The following POU6F2 variants were observed in gnomAD, a reference collection of about 807,000 sequenced individuals.
POU6F2 encodes POU class 6 homeobox 2, also known as POU domain, class 6, transcription factor 2.
POU6F2 carries 31 observed loss-of-function variants against 71.3 expected under a neutral mutation model. That is an observed-to-expected ratio of 0.43 (90% CI 0.33 to 0.59). POU6F2 has a LOEUF of 0.59. Among genes scored for constraint, POU6F2 ranks in the 20% least tolerant of loss-of-function variants. The pLI is 0.04. For missense variants in POU6F2, 783 were observed against 856.8 expected (o/e 0.91, Z 1.07); for synonymous variants, 347 against 355.7 (o/e 0.98, Z 0.27).
chr7:39,327,478 T>C (rs1199124048), intron 4 of POU6F2, among the ~76,000 whole-genome samples: 1 of 151,926 alleles, frequency 6.6e-6, no homozygotes, highest in East Asian at 1.9e-4. Context: ...TAAAGAAGAA[T>C]ATCAATAGGC....
chr7:39,349,885 C>T (rs968653693), intron 5 of POU6F2, among the ~76,000 whole-genome samples: 1 of 152,180 alleles, frequency 6.6e-6, no homozygotes, highest in Non-Finnish European at 1.5e-5. Context: ...TTGAGGCATG[C>T]AGGACAGGTT....
In POU6F2 at chr7:39,267,662, G is replaced by T. The variant is rs1012597291; in HGVS notation, c.598+60042G>T. ...TTTATTTTTTTTTTTTAGAGGCAAG[G>T]TCTTGCTATGTTTCCCAGTCTGGCC... On this transcript the variant is annotated intron_variant, in intron 4 of 9. Transcript: ENST00000518318. Among the ~76,000 whole-genome samples the T allele has an allele frequency of 1.4e-4, 21 of 151,710 alleles. 6 individuals carry two copies. The highest frequency in any genetic ancestry group is 2.6e-4 in the Admixed American group (4 of 15,224).
intron 4 of POU6F2, among the ~76,000 whole-genome samples, chr7:39,308,200 G>A (rs2128766284): frequency 1.3e-5 from 2 of 152,278 alleles, no homozygotes; most frequent in South Asian, 4.1e-4. Flanking sequence ...TCTCAGTCTT[G>A]ACAACCATTG....
intron 5 of POU6F2, among the ~76,000 whole-genome samples, chr7:39,345,722 G>T (rs1786020602): frequency 6.6e-6 from 1 of 152,180 alleles, no homozygotes; most frequent in South Asian, 2.1e-4. Context: ...GAATCCACAT[G>T]GGGTAGGCAA....
At chr7:38,988,919 A>G (rs1011585073) in intron 1 of POU6F2, among the ~76,000 whole-genome samples, 1 of 151,962 alleles carries the variant, frequency 6.6e-6, no homozygotes, top group African/African-American at 2.4e-5. Flanking sequence ...GCAACATCTC[A>G]TTTACTCCCT....
chr7:39,095,469 T>C (rs1791434887), intron 2 of POU6F2, among the ~76,000 whole-genome samples: 1 of 152,206 alleles, frequency 6.6e-6, no homozygotes, highest in South Asian at 2.1e-4. Context: ...ACATTGGAGA[T>C]TGCTGATGGC....
intron 4 of POU6F2, among the ~76,000 whole-genome samples, chr7:39,282,472 TG>T (rs1320607560): frequency 6.6e-6 from 1 of 152,110 alleles, no homozygotes; most frequent in Non-Finnish European, 1.5e-5. Flanking sequence ...TGATGAGAGA[TG>T]GGGGTCTAGT....
intron 7 of POU6F2, among the ~76,000 whole-genome samples, chr7:39,441,526 A>G (rs1349002251): frequency 6.6e-6 from 1 of 152,224 alleles, no homozygotes; most frequent in African/African-American, 2.4e-5. Flanking sequence ...ATCAGCATTT[A>G]AGGAATGGAA....
At chr7:39,265,995 A>G (rs12701706) in intron 4 of POU6F2, among the ~76,000 whole-genome samples, 18,130 of 152,194 alleles carry the variant, frequency 0.12, 1,196 homozygotes, top group Middle Eastern at 0.18. Flanking sequence ...AATTGCTAAG[A>G]TATCAATAAT....
chr7:39,004,302 A>T (rs1314673561), intron 1 of POU6F2, among the ~76,000 whole-genome samples: 4 of 152,240 alleles, frequency 2.6e-5, no homozygotes, highest in African/African-American at 4.8e-5. Context: ...CATAGCTTGG[A>T]CATATTATTG....
chr7:39,116,012 C>T (rs1791920519), intron 2 of POU6F2, among the ~76,000 whole-genome samples: 1 of 152,092 alleles, frequency 6.6e-6, no homozygotes, highest in Non-Finnish European at 1.5e-5. Context: ...AGGATTTGGG[C>T]AAAACCTACT....
intron 1 of POU6F2, among the ~76,000 whole-genome samples, chr7:39,081,933 C>T (rs1002153594): frequency 1.3e-5 from 2 of 152,162 alleles, no homozygotes; most frequent in African/African-American, 4.8e-5. Flanking sequence ...GCAGCTTTAC[C>T]ACTTAGCTGC....
chr7:38,985,824 A>C (rs539435340), intron 1 of POU6F2, among the ~76,000 whole-genome samples: 43 of 152,128 alleles, frequency 2.8e-4, no homozygotes, highest in Admixed American at 1.8e-3. Flanking sequence ...GTTTGTAGTA[A>C]TATTCAGAAG....
intron 1 of POU6F2, among the ~76,000 whole-genome samples, chr7:39,077,796 T>G (rs1271520288): frequency 6.6e-6 from 1 of 152,204 alleles, no homozygotes; most frequent in African/African-American, 2.4e-5. Context: ...TAACCAAATA[T>G]TCCCTAGATA....
chr7:39,043,301 G>A (rs1790227136), intron 1 of POU6F2, among the ~76,000 whole-genome samples: 2 of 151,876 alleles, frequency 1.3e-5, no homozygotes, highest in Non-Finnish European at 2.9e-5. Context: ...TTCACCATCT[G>A]ACCTAGGAAT....
intron 2 of POU6F2, among the ~76,000 whole-genome samples, chr7:39,141,716 G>A (rs1224855017): frequency 6.6e-6 from 1 of 152,078 alleles, no homozygotes; most frequent in Non-Finnish European, 1.5e-5. Context: ...ATGAATATTT[G>A]TATTATTTTT....
At position 39,287,567 on chromosome 7, in the gene POU6F2, G is replaced by A. The variant is rs921202178; in HGVS notation, c.599-52075G>A. Among the ~76,000 whole-genome samples the A allele has an allele frequency of 1.1e-4, 17 of 152,292 alleles. 4 individuals carry two copies. The highest frequency in any genetic ancestry group is 1.3e-4 in the Admixed American group (2 of 15,302). On this transcript the variant is annotated intron_variant, in intron 4 of 9. Coordinates refer to ENST00000518318, the MANE Select transcript of POU6F2 (RefSeq NM_001370959.1). ...GCAGAGTACTATGTAAGTGTTAGCT[G>A]TGTGTCATTCTATTCAGGGCCTATT...
At chr7:39,168,769 A>G (rs1372386142) in intron 2 of POU6F2, among the ~76,000 whole-genome samples, 1 of 152,158 alleles carries the variant, frequency 6.6e-6, no homozygotes, top group Non-Finnish European at 1.5e-5. Context: ...GAAAAACCTG[A>G]TGTGTCTCTC....
intron 1 of POU6F2, among the ~76,000 whole-genome samples, chr7:39,003,933 C>T (rs1788985147): frequency 6.6e-6 from 1 of 151,834 alleles, no homozygotes; most frequent in Admixed American, 6.6e-5. Flanking sequence ...GAAAAAAAGA[C>T]CATAAAGAAA....
Sources: gnomAD v4.1 joint callset for allele counts (sites outside exome capture counted in the v4.1 genomes callset) on GRCh38, gnomAD v4.1.1 for gene constraint, MANE v1.5 for transcripts, NCBI Gene and HGNC (gene_info 2026-07-23, HGNC 2026-07-21) for gene names.